UBAC2: variants seen among roughly 807,000 people sequenced by gnomAD.
UBAC2 encodes ubiquitin-associated domain-containing protein 2.
UBAC2 carries 26 observed loss-of-function variants against 44.0 expected under a neutral mutation model. That is an observed-to-expected ratio of 0.59 (90% CI 0.43 to 0.82). The LOEUF is 0.82. Ranked by LOEUF, UBAC2 falls within the 40% of genes least tolerant of loss-of-function variation. UBAC2 has a pLI of 0.00. For synonymous variants in UBAC2, 155 were observed against 154.3 expected, an observed-to-expected ratio of 1.00 and a Z score of -0.04; for missense variants, 329 against 419.4, an observed-to-expected ratio of 0.78 and a Z score of 1.88.
intron 1 of UBAC2, 77 bp from the exon 2 acceptor site, chr13:99,238,350 T>C: frequency 6.5e-7 from 1 of 1,529,534 alleles, no homozygotes. Context: ...AGAAGTGAAT[T>C]CTCTTGCTTT....
intron 2 of UBAC2, among the ~76,000 whole-genome samples, chr13:99,240,654 T>C (rs2043289355): frequency 6.6e-6 from 1 of 152,126 alleles, no homozygotes; most frequent in Admixed American, 6.5e-5. Flanking sequence ...TCATTGATCA[T>C]ATTGATGGAG....
At chr13:99,320,065 CCCTT>C (rs1441404980) in intron 6 of UBAC2, among the ~76,000 whole-genome samples, 1 of 151,984 alleles carries the variant, frequency 6.6e-6, no homozygotes, top group African/African-American at 2.4e-5. Context: ...CATATTTGTC[CCCTT>C]CCTTAGTAAC....
chr13:99,363,317 G>A (rs2045289885), intron 7 of UBAC2, among the ~76,000 whole-genome samples: 1 of 152,174 alleles, frequency 6.6e-6, no homozygotes, highest in Non-Finnish European at 1.5e-5. Context: ...CTAGTTTTGA[G>A]CTTTAACTTC....
intron 4 of UBAC2, among the ~76,000 whole-genome samples, chr13:99,294,318 C>T (rs192058311): frequency 9.8e-5 from 15 of 152,298 alleles, no homozygotes; most frequent in Admixed American, 9.8e-4. Flanking sequence ...CAAGCAGACC[C>T]TCCTCCCAAT....
intron 4 of UBAC2, among the ~76,000 whole-genome samples, chr13:99,309,047 A>T (rs1253597809): frequency 6.6e-6 from 1 of 152,048 alleles, no homozygotes; most frequent in Non-Finnish European, 1.5e-5. Context: ...TAAGTAAAAC[A>T]TTTTTATATA....
In UBAC2 at chr13:99,295,102, T is replaced by C; in HGVS notation, c.390-18995T>C. On this transcript the variant is annotated intron_variant, in intron 4 of 8. Coordinates refer to ENST00000403766, the MANE Select transcript of UBAC2 (RefSeq NM_001144072.2). The surrounding 1 kb of genome is among the most constrained non-coding windows in gnomAD (Gnocchi z 4.1). ...ACTTGGAATGTATCATCATCTGCGT[T>C]TCTGTCATTTCACGTGAATTTTCTT... 1 of 1,614,110 alleles carries C rather than the reference T, an allele frequency of 6.2e-7. No individual in the cohort carries two copies. Among genetic ancestry groups the C allele is most frequent in the Non-Finnish European group, 8.5e-7 (1 of 1,179,972 alleles).
At chr13:99,298,474 CTG>C (rs1021902927) in intron 4 of UBAC2, among the ~76,000 whole-genome samples, 35 of 152,080 alleles carry the variant, frequency 2.3e-4, no homozygotes, top group South Asian at 4.1e-4. Flanking sequence ...CCTGTGAAAA[CTG>C]TGGGATGCAG....
chr13:99,382,286 T>G (rs1329738993), intron 8 of UBAC2, among the ~76,000 whole-genome samples: 1 of 152,200 alleles, frequency 6.6e-6, no homozygotes, highest in Non-Finnish European at 1.5e-5. Context: ...TTAACAGAGA[T>G]ATGTAGAGTC....
intron 4 of UBAC2, among the ~76,000 whole-genome samples, chr13:99,280,694 G>A (rs1270160027): frequency 6.6e-6 from 1 of 152,132 alleles, no homozygotes; most frequent in Admixed American, 6.5e-5. Flanking sequence ...AATACCAAAG[G>A]GACAAAGAAA....
At position 99,295,311 on chromosome 13, in the gene UBAC2, C is replaced by T; in HGVS notation, c.390-18786C>T. 5.0e-6 allele frequency: 8 copies of T among 1,614,048 alleles called. No individual in the cohort carries two copies. The highest frequency in any genetic ancestry group is 4.4e-5 in the South Asian group (4 of 91,056). ...TGGAACGAATGTCTTTGGCTACATTCCAGGAAATTAGAGAAACGAAGCTTC... is the reference window on the plus strand; with the variant it reads ...TGGAACGAATGTCTTTGGCTACATTTCAGGAAATTAGAGAAACGAAGCTTC... On this transcript the variant is annotated intron_variant, in intron 4 of 8. Transcript: ENST00000403766. The surrounding 1 kb of genome is among the most constrained non-coding windows in gnomAD (Gnocchi z 4.1).
intron 8 of UBAC2, among the ~76,000 whole-genome samples, chr13:99,370,878 C>G (rs2045396653): frequency 6.6e-6 from 1 of 152,208 alleles, no homozygotes; most frequent in Non-Finnish European, 1.5e-5. Context: ...AGGTTATCCC[C>G]ATGGATAAGA....
chr13:99,363,297 A>G (rs1377911949), intron 7 of UBAC2, among the ~76,000 whole-genome samples: 1 of 152,202 alleles, frequency 6.6e-6, no homozygotes, highest in African/African-American at 2.4e-5. Context: ...TTTCTTCAAA[A>G]TAGTCATGCC....
chr13:99,360,621 C>A (rs912074940), intron 7 of UBAC2, among the ~76,000 whole-genome samples: 10 of 152,168 alleles, frequency 6.6e-5, no homozygotes, highest in African/African-American at 2.4e-4. Flanking sequence ...CACTTAGGCC[C>A]CTTTCTTTGA....
intron 4 of UBAC2, among the ~76,000 whole-genome samples, chr13:99,312,155 T>C (rs1433743112): frequency 6.6e-6 from 1 of 152,230 alleles, no homozygotes; most frequent in Non-Finnish European, 1.5e-5. Context: ...AACAGTAGAA[T>C]TGAGAGGACA....
intron 4 of UBAC2, among the ~76,000 whole-genome samples, chr13:99,289,861 C>T (rs994370488): frequency 6.6e-6 from 1 of 152,138 alleles, no homozygotes; most frequent in Non-Finnish European, 1.5e-5. Context: ...GAGGAGAATG[C>T]CACTCCCTCT....
intron 4 of UBAC2, among the ~76,000 whole-genome samples, chr13:99,280,107 A>G (rs1178642621): frequency 1.3e-5 from 2 of 152,184 alleles, no homozygotes; most frequent in Non-Finnish European, 2.9e-5. Context: ...TCTCAATGCC[A>G]TCATCTGCAC....
intron 1 of UBAC2, among the ~76,000 whole-genome samples, chr13:99,228,231 G>A (rs1566456355): frequency 6.6e-6 from 1 of 152,132 alleles, no homozygotes; most frequent in African/African-American, 2.4e-5. Flanking sequence ...CCTTTAATGG[G>A]GGAAGCCCGG....
intron 4 of UBAC2, among the ~76,000 whole-genome samples, chr13:99,279,623 C>G (rs928928261): frequency 1.3e-5 from 2 of 152,214 alleles, no homozygotes; most frequent in Non-Finnish European, 2.9e-5. Flanking sequence ...CCTGTTCAGG[C>G]TCCTCTAACA....
rs767040986 is a variant in UBAC2 at position 99,235,420 on chromosome 13, G to GA, written c.32-2998dup. Among the ~76,000 whole-genome samples, 331 of 150,848 alleles carry GA rather than the reference G, an allele frequency of 2.2e-3. 3 individuals are homozygous for GA. The highest frequency in any genetic ancestry group is 5.2e-3 in the South Asian group (25 of 4,770). On this transcript the variant is annotated intron_variant, in intron 1 of 8. Coordinates refer to ENST00000403766, the MANE Select transcript of UBAC2 (RefSeq NM_001144072.2). ...ATCAATGACATTCTTCACAGAAATAGAAAAAAAAATCCTAAGATTTATATG... is the reference window on the plus strand; with the variant it reads ...ATCAATGACATTCTTCACAGAAATAGAAAAAAAAAATCCTAAGATTTATATG...
Sources: allele counts gnomAD v4.1 joint callset (sites outside exome capture counted in the v4.1 genomes callset), GRCh38; gene constraint gnomAD v4.1.1; non-coding constraint Gnocchi (gnomAD v3.1); transcripts MANE v1.5; gene names NCBI Gene and HGNC (gene_info 2026-07-23, HGNC 2026-07-21).